OSBPL3: variants seen among roughly 807,000 people sequenced by gnomAD.
OSBPL3 encodes the protein oxysterol-binding protein-related protein 3.
In OSBPL3, 65 loss-of-function variants were observed where a neutral mutation model predicts 120.1. The ratio of observed to expected loss-of-function variants is 0.54; its 90% confidence interval spans 0.44 to 0.67. OSBPL3 has a LOEUF of 0.67. Ranked by LOEUF, OSBPL3 falls within the 30% of genes least tolerant of loss-of-function variation. The pLI is 0.00. For synonymous variants in OSBPL3, 416 were observed against 402.6 expected (o/e 1.03, Z -0.40); for missense variants, 1,004 against 1,082.1 (o/e 0.93, Z 1.01).
At position 24,938,267 on chromosome 7, in the gene OSBPL3, G is replaced by A. The variant is rs1011695554; in HGVS notation, c.-150+41619C>T. ...GCTGTCTTGCCTTCCACCACGTGAG[G>A]ACACAAAGAAGGCATCATCTATGAT... On this transcript the variant is annotated intron_variant, in intron 1 of 22. Transcript: ENST00000313367. This position sits in a 1 kb window ranked among gnomAD's most constrained non-coding sequence, Gnocchi z 5.8. 6.6e-6 allele frequency among the ~76,000 whole-genome samples: 1 copy of A among 152,138 alleles called. No individual in the cohort carries two copies. Among genetic ancestry groups the A allele is most frequent in the African/African-American group, 2.4e-5 (1 of 41,440 alleles).
At chr7:24,846,890 C>G (rs1346420717) in intron 12 of OSBPL3, among the ~76,000 whole-genome samples, 1 of 152,032 alleles carries the variant, frequency 6.6e-6, no homozygotes, top group Admixed American at 6.6e-5. Context: ...TGGTGAAACC[C>G]TGTCTCTACT....
Position 24,932,533 on chromosome 7 carries a change from G to A in OSBPL3, c.-149-39912C>T, listed in dbSNP as rs1025555245. On this transcript the variant is annotated intron_variant, in intron 1 of 22. Coordinates refer to ENST00000313367, the MANE Select transcript of OSBPL3 (RefSeq NM_015550.4). The surrounding 1 kb of genome is among the most constrained non-coding windows in gnomAD (Gnocchi z 5.6). The stretch of plus-strand genomic sequence containing the variant: ...GGTCTTTGGGAGGTGATTAGGTCAT[G>A]AAGGCAGAGCCCTCATGAATGGGAC... 6.6e-6 allele frequency among the ~76,000 whole-genome samples: 1 copy of A among 152,110 alleles called. No homozygotes were observed. The highest frequency in any genetic ancestry group is 2.4e-5 in the African/African-American group (1 of 41,400).
intron 15 of OSBPL3, among the ~76,000 whole-genome samples, chr7:24,832,100 G>A (rs1448350055): frequency 6.6e-6 from 1 of 151,158 alleles, no homozygotes; most frequent in East Asian, 2.0e-4. Flanking sequence ...CCAGCTGCTT[G>A]GGAGGCAGAA....
chr7:24,842,590 C>T (rs1443231053), intron 12 of OSBPL3, among the ~76,000 whole-genome samples, 177 bp from the exon 13 acceptor site: 2 of 152,186 alleles, frequency 1.3e-5, no homozygotes, highest in Non-Finnish European at 2.9e-5. Flanking sequence ...AAAGTTCTCC[C>T]CCAATATGGG....
In OSBPL3 at chr7:24,877,876, A is replaced by C. The variant is rs1803063943; in HGVS notation, c.97-5807T>G. ...AATCAAGGCCCTGCTGACTTAGCCCAACACGGCTGCACTGATGTCTCATCC... is the reference window on the plus strand; with the variant it reads ...AATCAAGGCCCTGCTGACTTAGCCCCACACGGCTGCACTGATGTCTCATCC... On this transcript the variant is annotated intron_variant, in intron 2 of 22. Coordinates refer to ENST00000313367, the MANE Select transcript of OSBPL3 (RefSeq NM_015550.4). The surrounding 1 kb of genome is among the most constrained non-coding windows in gnomAD (Gnocchi z 4.8). 6.6e-6 allele frequency among the ~76,000 whole-genome samples: 1 copy of C among 152,160 alleles called. No individual in the cohort carries two copies. Among genetic ancestry groups the C allele is most frequent in the African/African-American group, 2.4e-5 (1 of 41,414 alleles).
rs1791993626 is a variant in OSBPL3, at chr7:24,798,928, T to C, written c.*1255A>G. Reference sequence around the variant, plus strand: ...AATTCAACTACTACACATATTATTGTAATGTGAAATAACACATTTAAAAAG... The same window carrying C: ...AATTCAACTACTACACATATTATTGCAATGTGAAATAACACATTTAAAAAG... On this transcript the variant is annotated 3_prime_UTR_variant, in exon 23 of 23. Transcript: ENST00000313367. This position sits in a 1 kb window ranked among gnomAD's most constrained non-coding sequence, Gnocchi z 4.6. The C allele has an allele frequency of 6.6e-6, 1 of 152,660 alleles. No homozygotes were observed. Among genetic ancestry groups the C allele is most frequent in the South Asian group, 2.1e-4 (1 of 4,830 alleles). The allele number at this position is 152,660 out of a possible 1,614,324, so 9.5% of individuals were successfully genotyped here.
chr7:24,850,954 G>A (rs1337074592), intron 11 of OSBPL3, among the ~76,000 whole-genome samples: 3 of 152,170 alleles, frequency 2.0e-5, no homozygotes, highest in South Asian at 2.1e-4. Flanking sequence ...TTCCAAAATC[G>A]TGAATATGGG....
chr7:24,874,962 C>A (rs1054767098), intron 2 of OSBPL3, among the ~76,000 whole-genome samples: 5 of 152,198 alleles, frequency 3.3e-5, no homozygotes, highest in African/African-American at 1.2e-4. Flanking sequence ...ACTGTGGAAT[C>A]CTGGAGCCAC....
At position 24,940,883 on chromosome 7, in the gene OSBPL3, G is replaced by C. The variant is rs928660359; in HGVS notation, c.-150+39003C>G. On this transcript the variant is annotated intron_variant, in intron 1 of 22. Transcript: ENST00000313367. This position sits in a 1 kb window ranked among gnomAD's most constrained non-coding sequence, Gnocchi z 4.4. ...CGCCCAGGCTGGAGTGCACTGGCGC[G>C]ATCTCGGCTCACTGCAAGCTCTGCC... Among the ~76,000 whole-genome samples the C allele has an allele frequency of 2.6e-5, 4 of 151,216 alleles. No individual in the cohort carries two copies. Among genetic ancestry groups the C allele is most frequent in the Admixed American group, 2.6e-4 (4 of 15,198 alleles).
intron 1 of OSBPL3, 110 bp downstream of exon 1, chr7:24,979,776 G>C (rs1411347458): frequency 6.9e-6 from 4 of 583,924 alleles, no homozygotes; most frequent in African/African-American, 2.0e-5. Flanking sequence ...GACAGACCCC[G>C]GTCCGGCAGA....
rs1791971460 is a variant in OSBPL3 at position 24,798,695 on chromosome 7, C to T, written c.*1488G>A. On this transcript the variant is annotated 3_prime_UTR_variant, in exon 23 of 23. Transcript: ENST00000313367. This position sits in a 1 kb window ranked among gnomAD's most constrained non-coding sequence, Gnocchi z 4.6. ...ACAATGAAAAATCATGCATTCTTTT[C>T]CTGTAATTATTTTACTCTTCATTCA... 6.6e-6 allele frequency: 1 copy of T among 152,474 alleles called. No individual in the cohort carries two copies. The highest frequency in any genetic ancestry group is 2.4e-5 in the African/African-American group (1 of 41,438). 9.4% of individuals were successfully genotyped at this position (152,474 alleles called of 1,614,324 possible).
chr7:24,897,144 A>G (rs1030030855), intron 1 of OSBPL3, among the ~76,000 whole-genome samples: 2 of 152,040 alleles, frequency 1.3e-5, no homozygotes, highest in Non-Finnish European at 2.9e-5. Context: ...AAGGAAAATT[A>G]GAAGGATTAA....
At position 24,804,161 on chromosome 7, in the gene OSBPL3, G is replaced by A. The variant is rs966382226; in HGVS notation, c.2567+154C>T. Among the ~76,000 whole-genome samples, 1 of 152,168 alleles carries A rather than the reference G, an allele frequency of 6.6e-6. No individual in the cohort carries two copies. The highest frequency in any genetic ancestry group is 1.5e-5 in the Non-Finnish European group (1 of 68,028). ...CCTGAAGGTAAGTGCGGGGGACAGG[G>A]CCTGGCACAGAGGAGCAGTACCCCC... On this transcript the variant is annotated intron_variant, in intron 22 of 22. Coordinates refer to ENST00000313367, the MANE Select transcript of OSBPL3 (RefSeq NM_015550.4). The surrounding 1 kb of genome is among the most constrained non-coding windows in gnomAD (Gnocchi z 5.4).
intron 1 of OSBPL3, among the ~76,000 whole-genome samples, chr7:24,974,615 A>G (rs951161765): frequency 2.0e-5 from 3 of 152,224 alleles, no homozygotes; most frequent in African/African-American, 7.2e-5. Context: ...GCTAGCAAAT[A>G]GATAAATAAA....
At chr7:24,814,224 A>G (rs1794189330) in intron 19 of OSBPL3, among the ~76,000 whole-genome samples, 1 of 152,098 alleles carries the variant, frequency 6.6e-6, no homozygotes, top group African/African-American at 2.4e-5. Flanking sequence ...GTGTGGCCAG[A>G]GGACAGTGGG....
intron 1 of OSBPL3, among the ~76,000 whole-genome samples, chr7:24,927,922 C>T (rs958984656): frequency 7.2e-5 from 11 of 152,252 alleles, no homozygotes; most frequent in Admixed American, 6.5e-4. Context: ...AAATTTTAAT[C>T]TCCAGTGTTG....
rs988891934 is a variant in OSBPL3 at position 24,968,297 on chromosome 7, G to A, written c.-150+11589C>T. Among the ~76,000 whole-genome samples, 1 of 152,190 alleles carries A rather than the reference G, an allele frequency of 6.6e-6. No homozygotes were observed. The highest frequency in any genetic ancestry group is 1.5e-5 in the Non-Finnish European group (1 of 68,032). On this transcript the variant is annotated intron_variant, in intron 1 of 22. Transcript: ENST00000313367. This position sits in a 1 kb window ranked among gnomAD's most constrained non-coding sequence, Gnocchi z 4.6. ...TCCATGGTGTAAATACTCCCACTGT[G>A]GCTGGCTTCAAACTACCAACATGAA...
At chr7:24,962,072 G>A (rs1815810597) in intron 1 of OSBPL3, among the ~76,000 whole-genome samples, 1 of 152,070 alleles carries the variant, frequency 6.6e-6, no homozygotes, top group African/African-American at 2.4e-5. Flanking sequence ...GGAGGCTGAG[G>A]TGGGTGGATC....
chr7:24,924,858 A>G (rs1810848222), intron 1 of OSBPL3, among the ~76,000 whole-genome samples: 1 of 152,160 alleles, frequency 6.6e-6, no homozygotes, highest in African/African-American at 2.4e-5. Flanking sequence ...TAGCAGTCAC[A>G]TTTGTCCCGG....
Sources: gnomAD v4.1 joint callset for allele counts (sites outside exome capture counted in the v4.1 genomes callset) on GRCh38, gnomAD v4.1.1 for gene constraint, Gnocchi (gnomAD v3.1) non-coding constraint, MANE v1.5 for transcripts, NCBI Gene and HGNC (gene_info 2026-07-23, HGNC 2026-07-21) for gene names.